PPP1R8: variants seen among roughly 807,000 people sequenced by gnomAD.
PPP1R8 encodes protein phosphatase 1 regulatory subunit 8.
PPP1R8 carries 4 observed loss-of-function variants against 31.3 expected under a neutral mutation model. That is an observed-to-expected ratio of 0.13 (90% CI 0.06 to 0.29). The LOEUF is 0.29. PPP1R8 is among the 10% of genes least tolerant of loss of function. The probability of loss-of-function intolerance (pLI) is 1.00; values close to 1 mark genes in which losing one functional copy is unlikely to be tolerated. For missense variants in PPP1R8, 254 were observed against 440.1 expected, an observed-to-expected ratio of 0.58 and a Z score of 3.78; for synonymous variants, 170 against 169.7, an observed-to-expected ratio of 1.00 and a Z score of -0.01.
In PPP1R8 at chr1:27,834,387, G is replaced by T. The variant is rs775914157; in HGVS notation, c.117+1571G>T. 9 of 516,652 alleles carry T rather than the reference G, an allele frequency of 1.7e-5. No homozygotes were observed. In the Admixed American group the frequency reaches 1.8e-4, roughly 10 times the overall value. 32.0% of individuals were successfully genotyped at this position (516,652 alleles called of 1,614,324 possible). ...TAGACCTGAGATGTGCTTATTTTTA[G>T]ATTTAAACTTGATCAGCACTTGATA... On this transcript the variant is annotated intron_variant, in intron 2 of 6. Transcript: ENST00000311772.
At chr1:27,831,592 ATTGTTT>A (rs2089108254) in intron 1 of PPP1R8, among the ~76,000 whole-genome samples, 2 of 152,128 alleles carry the variant, frequency 1.3e-5, no homozygotes, top group African/African-American at 2.4e-5. Context: ...ATCGCAGTGT[ATTGTTT>A]GTTGCTTGTC....
At chr1:27,832,216 G>C (rs775169762) in intron 1 of PPP1R8, among the ~76,000 whole-genome samples, 11 of 152,132 alleles carry the variant, frequency 7.2e-5, no homozygotes, top group Non-Finnish European at 1.5e-4. Context: ...CCTGTTTCAA[G>C]GGTAACATAT....
In PPP1R8 at chr1:27,851,652, A is replaced by T. The variant is rs1165915980; in HGVS notation, c.*1206A>T. 2.1e-6 allele frequency: 1 copy of T among 477,668 alleles called. No individual in the cohort carries two copies. The highest frequency in any genetic ancestry group is 2.2e-5 in the Admixed American group (1 of 45,364). The allele number at this position is 477,668 out of a possible 1,614,324, so 29.6% of individuals were successfully genotyped here. ...CTCCATCCCCATTATATTACAAATA[A>T]AGATGCCCTAAATGAGTGTGGAAAT... is the stretch of plus-strand genomic sequence containing the variant. On this transcript the variant is annotated 3_prime_UTR_variant, in exon 7 of 7. Coordinates refer to ENST00000311772, the MANE Select transcript of PPP1R8 (RefSeq NM_014110.5).
At chr1:27,837,729 C>A (rs1317868643) in intron 2 of PPP1R8, among the ~76,000 whole-genome samples, 3 of 145,256 alleles carry the variant, frequency 2.1e-5, no homozygotes, top group African/African-American at 7.7e-5. Flanking sequence ...GAGCCGAGAT[C>A]GCACCACTGC....
In PPP1R8 at chr1:27,842,342, CAAAA is replaced by C. The variant is rs567804256; in HGVS notation, c.493-829_493-826del. Among the ~76,000 whole-genome samples the C allele has an allele frequency of 1.6e-4, 10 of 63,194 alleles. No homozygotes were observed. The South Asian group carries it at 2.4e-3, about 15-fold the overall frequency. The allele number at this position is 63,194 out of a possible 152,430, so 41.5% of individuals were successfully genotyped here. A position where few individuals can be genotyped will look rare whatever the true frequency, so the allele number is the denominator to read the frequency against. On this transcript the variant is annotated intron_variant, in intron 4 of 6. Coordinates refer to ENST00000311772, the MANE Select transcript of PPP1R8 (RefSeq NM_014110.5). ...GGGCAACAAGAGCGAAACTCCGTCT[CAAAA>C]AAAAAAAAAAAAAAGAGAAATTTTA... is the stretch of plus-strand genomic sequence containing the variant.
At chr1:27,846,921 TA>T in intron 5 of PPP1R8, 106 bp from the exon 6 acceptor site, 1 of 963,884 alleles carries the variant, frequency 1.0e-6, no homozygotes, top group Non-Finnish European at 1.7e-6. Flanking sequence ...CTCTGTGTTT[TA>T]CAATTTTAAT....
chr1:27,833,760 G>A (rs569987528), intron 2 of PPP1R8, among the ~76,000 whole-genome samples: 5 of 152,222 alleles, frequency 3.3e-5, no homozygotes, highest in East Asian at 1.9e-4. Flanking sequence ...GCAGTTCCAC[G>A]GTTGCTAGAT....
chr1:27,848,330 G>C (rs968815779), intron 6 of PPP1R8, among the ~76,000 whole-genome samples: 2 of 151,458 alleles, frequency 1.3e-5, no homozygotes, highest in East Asian at 1.9e-4. Context: ...GCGTGAACCC[G>C]GGGGGCAGAG....
intron 6 of PPP1R8, 149 bp from the exon 7 acceptor site, chr1:27,849,944 G>C: frequency 1.5e-6 from 1 of 688,918 alleles, no homozygotes; most frequent in East Asian, 2.5e-5. Flanking sequence ...CATGAAATAG[G>C]TTGTCTGGAA....
intron 5 of PPP1R8, 56 bp from the exon 6 acceptor site, chr1:27,846,972 C>G: frequency 7.1e-7 from 1 of 1,417,120 alleles, no homozygotes; most frequent in Admixed American, 1.7e-5. Flanking sequence ...GACTCCTGTG[C>G]CCTTATTCCT....
Position 27,850,697 on chromosome 1 carries a change from CCTAGGCCTTCCA to C in PPP1R8, c.*255_*266del. On this transcript the variant is annotated 3_prime_UTR_variant, in exon 7 of 7. Transcript: ENST00000311772. Reference sequence around the variant, plus strand: ...TTTCAATAGACTGCCCTGGCTCTTTCCTAGGCCTTCCACTACCTCCTTTCTTTCTCCCACTTT... The same window carrying C: ...TTTCAATAGACTGCCCTGGCTCTTTCCTACCTCCTTTCTTTCTCCCACTTT... The C allele has an allele frequency of 2.5e-6, 1 of 407,656 alleles. No homozygotes were observed. Among genetic ancestry groups the C allele is most frequent in the Non-Finnish European group, 4.4e-6 (1 of 227,476 alleles). The allele number at this position is 407,656 out of a possible 1,614,324, so 25.3% of individuals were successfully genotyped here.
rs2089329036 is a variant in PPP1R8, at chr1:27,850,249, A to G, written c.859A>G (p.Ile287Val). The change falls in exon 7 of 7, where the codon ATC (isoleucine) becomes GTC (valine). Residue 287 changes from isoleucine (I) to valine (V), a missense_variant. Around this residue, in one of 6 missense-constraint regions of PPP1R8, gnomAD observed 105 missense variants for 128.0 expected, o/e 0.82. Transcript: ENST00000311772. ...QPHGIHGTALIGGLPMPYPNL... is the reference protein window; with the variant it reads ...QPHGIHGTALVGGLPMPYPNL... ...ACATGGCATCCATGGGACAGCACTCATCGGTGGCTTGCCCATGCCATACCC... is the reference window on the plus strand; with the variant it reads ...ACATGGCATCCATGGGACAGCACTCGTCGGTGGCTTGCCCATGCCATACCC... The G allele has an allele frequency of 6.2e-7, 1 of 1,614,224 alleles. No individual in the cohort carries two copies. Among genetic ancestry groups the G allele is most frequent in the Non-Finnish European group, 8.5e-7 (1 of 1,180,036 alleles).
intron 2 of PPP1R8, among the ~76,000 whole-genome samples, chr1:27,835,469 G>A (rs2089155198): frequency 6.6e-6 from 1 of 152,218 alleles, no homozygotes; most frequent in Non-Finnish European, 1.5e-5. Context: ...GGCTGTTGTT[G>A]AATCTTGGTT....
intron 2 of PPP1R8, among the ~76,000 whole-genome samples, chr1:27,833,322 A>T (rs2148614003): frequency 6.6e-6 from 1 of 152,332 alleles, no homozygotes; most frequent in East Asian, 1.9e-4. Flanking sequence ...AGTGTTTACT[A>T]TGTGCCAGTT....
rs2089180791 is a variant in PPP1R8, at chr1:27,837,537, T to C, written c.118-1162T>C. Among the ~76,000 whole-genome samples the C allele has an allele frequency of 2.6e-5, 4 of 151,154 alleles. No individual in the cohort carries two copies. In the South Asian group the frequency reaches 8.3e-4, roughly 31 times the overall value. On this transcript the variant is annotated intron_variant, in intron 2 of 6. Transcript: ENST00000311772. ...GGCTCATGCTTGTAATCCCAGCACT[T>C]TGGGAGGCTGAGGAGGGCAGATCAC...
At chr1:27,842,461 G>A (rs2089232729) in intron 4 of PPP1R8, among the ~76,000 whole-genome samples, 1 of 152,124 alleles carries the variant, frequency 6.6e-6, no homozygotes, top group Non-Finnish European at 1.5e-5. Context: ...CCTTATCCAG[G>A]CTGCTGCTAT....
intron 6 of PPP1R8, 31 bp from the exon 7 acceptor site, chr1:27,850,062 A>ATCTCTCCCC (rs747673328): frequency 6.6e-7 from 1 of 1,513,152 alleles, no homozygotes; most frequent in Non-Finnish European, 8.9e-7. Flanking sequence ...TCTCTCTCCA[A>ATCTCTCCCC]TCTCTCCCCT....
At position 27,836,973 on chromosome 1, in the gene PPP1R8, T is replaced by C. The variant is rs563257416; in HGVS notation, c.118-1726T>C. On this transcript the variant is annotated intron_variant, in intron 2 of 6. Transcript: ENST00000311772. ...TTCCTTTCCCAAATATACATTTGAA[T>C]GTTTATTTTCTGAGAAGCAATCTTA... is the stretch of plus-strand genomic sequence containing the variant. 1.4e-4 allele frequency among the ~76,000 whole-genome samples: 21 copies of C among 152,344 alleles called. 1 individual carries two copies. The South Asian group carries it at 3.5e-3, about 26-fold the overall frequency.
chr1:27,847,506 CAAAA>C (rs78384567), intron 6 of PPP1R8, among the ~76,000 whole-genome samples: 3 of 82,108 alleles, frequency 3.7e-5, no homozygotes. Flanking sequence ...GACTCTGTCT[CAAAA>C]AAAAAAAAAA....
Sources: allele counts gnomAD v4.1 joint callset (sites outside exome capture counted in the v4.1 genomes callset), GRCh38; gene constraint gnomAD v4.1.1; regional missense constraint gnomAD v4.1.1; transcripts MANE v1.5; gene names NCBI Gene and HGNC (gene_info 2026-07-23, HGNC 2026-07-21).